Variants in HRH2 observed in about 807,000 individuals in gnomAD.
HRH2 encodes histamine receptor H2.
Under a neutral mutation model 20.1 loss-of-function variants are expected in HRH2, and 4 were observed. The ratio of observed to expected loss-of-function variants is 0.20; its 90% CI spans 0.10 to 0.45. HRH2 has a LOEUF of 0.45. Among genes scored for constraint, HRH2 ranks in the 20% least tolerant of loss-of-function variants. HRH2 has a pLI of 0.99. For missense variants in HRH2, 250 were observed against 461.6 expected, an observed-to-expected ratio of 0.54 and a Z score of 4.20; for synonymous variants, 197 against 200.7, an observed-to-expected ratio of 0.98 and a Z score of 0.16.
intron 1 of HRH2, among the ~76,000 whole-genome samples, chr5:175,671,795 C>T (rs554131687): frequency 6.6e-6 from 1 of 152,220 alleles, no homozygotes; most frequent in East Asian, 1.9e-4. Flanking sequence ...GCATAAATTG[C>T]AATGTATTTA....
intron 1 of HRH2, among the ~76,000 whole-genome samples, chr5:175,672,541 C>T (rs372025932): frequency 1.3e-5 from 2 of 152,268 alleles, no homozygotes; most frequent in East Asian, 1.9e-4. Context: ...GGATAATGTA[C>T]GTAAAATATT....
rs1463809989 is a variant in HRH2 at position 175,683,516 on chromosome 5, A to G, written c.283A>G (p.Thr95Ala). 6.2e-7 allele frequency: 1 copy of G among 1,613,970 alleles called. No individual in the cohort carries two copies. Among genetic ancestry groups the G allele is most frequent in the Non-Finnish European group, 8.5e-7 (1 of 1,180,018 alleles). Residue 95 changes from threonine to alanine, a missense_variant, in exon 2 of 3, where the codon ACC becomes GCC. Physicochemically the swap from Thr to Ala is moderately conservative, Grantham distance 58 (BLOSUM62 0). Transcript: ENST00000636584. ...SFGKVFCNIY[T>A]SLDVMLCTAS... ...TGGCAAGGTCTTCTGCAATATCTAC[A>G]CCAGCCTGGATGTGATGCTCTGCAC...
intron 1 of HRH2, among the ~76,000 whole-genome samples, chr5:175,676,685 C>T (rs1431195862): frequency 6.6e-6 from 1 of 152,208 alleles, no homozygotes; most frequent in Non-Finnish European, 1.5e-5. Flanking sequence ...ATCTATCACC[C>T]AAATAATGTA....
chr5:175,672,038 G>C (rs1004191982), intron 1 of HRH2, among the ~76,000 whole-genome samples: 1 of 152,050 alleles, frequency 6.6e-6, no homozygotes, highest in Admixed American at 6.6e-5. Flanking sequence ...TACTATGGAG[G>C]GCTCATGATT....
Position 175,687,037 on chromosome 5 carries a change from C to T in HRH2, c.1076+2728C>T, listed in dbSNP as rs1413792266. On this transcript the variant is annotated intron_variant, in intron 2 of 2. Coordinates refer to ENST00000636584, the MANE Select transcript of HRH2 (RefSeq NM_001367711.1). The surrounding 1 kb of genome is among the most constrained non-coding windows in gnomAD (Gnocchi z 5.2). ...TGCCTCCCAGGGTCATGCATGCAGC[C>T]GTGGAGGCAGGGCCAGATCCGAGTC... 5.3e-5 allele frequency among the ~76,000 whole-genome samples: 8 copies of T among 152,220 alleles called. No homozygotes were observed. Among genetic ancestry groups the T allele is most frequent in the Non-Finnish European group, 1.0e-4 (7 of 67,980 alleles).
chr5:175,667,489 T>C (rs1312193785), intron 1 of HRH2, among the ~76,000 whole-genome samples: 1 of 125,704 alleles, frequency 8.0e-6, no homozygotes, highest in Non-Finnish European at 1.6e-5. Flanking sequence ...CAAAGAAATG[T>C]GCAAAGAAGA....
At chr5:175,698,091 CCT>C (rs1418524375) in intron 2 of HRH2, among the ~76,000 whole-genome samples, 4 of 152,254 alleles carry the variant, frequency 2.6e-5, no homozygotes, top group Non-Finnish European at 5.9e-5. Flanking sequence ...CAGACCTGCC[CCT>C]GTGTGTAGTT....
chr5:175,669,607 A>G (rs1381375554), intron 1 of HRH2, among the ~76,000 whole-genome samples: 1 of 151,584 alleles, frequency 6.6e-6, no homozygotes, highest in East Asian at 2.0e-4. Flanking sequence ...CAAGCGATCC[A>G]CCCACCTCGG....
At position 175,693,049 on chromosome 5, in the gene HRH2, C is replaced by A. The variant is rs1756440972; in HGVS notation, c.1076+8740C>A. ...GAGAGGAGACCAGACCAGACTTTCT[C>A]ATTCCCCTGCCACAGATTGGCTGTG... On this transcript the variant is annotated intron_variant, in intron 2 of 2. Coordinates refer to ENST00000636584, the MANE Select transcript of HRH2 (RefSeq NM_001367711.1). This position sits in a 1 kb window ranked among gnomAD's most constrained non-coding sequence, Gnocchi z 4.4. Among the ~76,000 whole-genome samples, 1 of 152,200 alleles carries A rather than the reference C, an allele frequency of 6.6e-6. No homozygotes were observed. Among genetic ancestry groups the A allele is most frequent in the African/African-American group, 2.4e-5 (1 of 41,460 alleles).
chr5:175,687,664 C>T lies in HRH2; in HGVS notation c.1076+3355C>T, dbSNP rs1266079227. On this transcript the variant is annotated intron_variant, in intron 2 of 2. Coordinates refer to ENST00000636584, the MANE Select transcript of HRH2 (RefSeq NM_001367711.1). The surrounding 1 kb of genome is among the most constrained non-coding windows in gnomAD (Gnocchi z 5.2). Reference sequence around the variant, plus strand: ...CCTTATGGGCAGACACCATCCGCCCCTTCCTGACCCCTACTGTCCACCCCT... The same window carrying T: ...CCTTATGGGCAGACACCATCCGCCCTTTCCTGACCCCTACTGTCCACCCCT... 6.6e-6 allele frequency among the ~76,000 whole-genome samples: 1 copy of T among 152,144 alleles called. No homozygotes were observed. The highest frequency in any genetic ancestry group is 2.4e-5 in the African/African-American group (1 of 41,438).
chr5:175,701,926 G>A (rs771014898), intron 2 of HRH2, among the ~76,000 whole-genome samples: 2 of 152,216 alleles, frequency 1.3e-5, no homozygotes, highest in Non-Finnish European at 2.9e-5. Flanking sequence ...AAGACGGGCC[G>A]TGGGACCGTG....
Position 175,683,126 on chromosome 5 carries a change from G to C in HRH2, c.-108G>C. ...AAAAAAAAAAAACTGGACACATTTT[G>C]GATCTGTTGGGAGCTTGGAGTCCAG... On this transcript the variant is annotated 5_prime_UTR_variant, in exon 2 of 3. Transcript: ENST00000636584. 4 of 873,674 alleles carry C rather than the reference G, an allele frequency of 4.6e-6. No homozygotes were observed. The highest frequency in any genetic ancestry group is 6.8e-6 in the Non-Finnish European group (4 of 587,820). The allele number at this position is 873,674 out of a possible 1,614,324, so 54.1% of individuals were successfully genotyped here. A position where few individuals can be genotyped will look rare whatever the true frequency, so the allele number is the denominator to read the frequency against.
intron 2 of HRH2, among the ~76,000 whole-genome samples, chr5:175,696,170 C>T (rs1756569859): frequency 6.6e-6 from 1 of 152,238 alleles, no homozygotes; most frequent in Non-Finnish European, 1.5e-5. Context: ...GGGCAGGGGC[C>T]TGGGAGTTTC....
In HRH2 at chr5:175,683,744, A is replaced by G; in HGVS notation, c.511A>G (p.Thr171Ala). The G allele has an allele frequency of 6.2e-7, 1 of 1,613,994 alleles. No homozygotes were observed. The highest frequency in any genetic ancestry group is 8.5e-7 in the Non-Finnish European group (1 of 1,180,008). The change falls in exon 2 of 3, where the codon ACC becomes GCC. Residue 171 changes from threonine (T) to alanine (A), a missense_variant. Thr to Ala is a moderately conservative substitution (Grantham distance 58). Coordinates refer to ENST00000636584, the MANE Select transcript of HRH2 (RefSeq NM_001367711.1). Reference sequence around the variant, plus strand: ...CGAGACCAGCAAGGGCAATCATACCACCTCTAAGTGCAAAGTCCAGGTCAA... The same window carrying G: ...CGAGACCAGCAAGGGCAATCATACCGCCTCTAAGTGCAAAGTCCAGGTCAA... ...RNETSKGNHT[T>A]SKCKVQVNEV...
At chr5:175,701,481 G>A (rs571082779) in intron 2 of HRH2, among the ~76,000 whole-genome samples, 16 of 152,228 alleles carry the variant, frequency 1.1e-4, no homozygotes, top group East Asian at 1.9e-4. Flanking sequence ...CTTCCCGCTC[G>A]GATTGCCGCT....
Position 175,682,898 on chromosome 5 carries a change from C to T in HRH2, c.-336C>T, listed in dbSNP as rs954796312. 3 of 270,512 alleles carry T rather than the reference C, an allele frequency of 1.1e-5. No homozygotes were observed. Among genetic ancestry groups the T allele is most frequent in the Admixed American group, 9.7e-5 (2 of 20,624 alleles). The allele number at this position is 270,512 out of a possible 1,614,324, so 16.8% of individuals were successfully genotyped here. On this transcript the variant is annotated 5_prime_UTR_variant, in exon 2 of 3. The change creates a premature stop within an existing upstream ORF in the 5' untranslated region. Transcript: ENST00000636584. ...AAACCTGGGAAGCGGAGACCTACCC[C>T]AGCCCCGGGAGGAAGCTAGCTCTTC...
At chr5:175,660,930 C>A (rs1009823297) in intron 1 of HRH2, among the ~76,000 whole-genome samples, 1 of 152,114 alleles carries the variant, frequency 6.6e-6, no homozygotes, top group Non-Finnish European at 1.5e-5. Context: ...TTCCAAGACT[C>A]CTCATTACCA....
In HRH2 at chr5:175,677,225, C is replaced by T. The variant is rs1395959714; in HGVS notation, c.-525-5484C>T. On this transcript the variant is annotated intron_variant, in intron 1 of 2. Coordinates refer to ENST00000636584, the MANE Select transcript of HRH2 (RefSeq NM_001367711.1). The surrounding 1 kb of genome is among the most constrained non-coding windows in gnomAD (Gnocchi z 4.2). ...GCCCAGGCTGGTCTCAAATTCCTGG[C>T]CAATTCTCCCACCTCAGCCTCCCAA... Among the ~76,000 whole-genome samples, 2 of 152,158 alleles carry T rather than the reference C, an allele frequency of 1.3e-5. No individual in the cohort carries two copies. Among genetic ancestry groups the T allele is most frequent in the East Asian group, 1.9e-4 (1 of 5,190 alleles).
chr5:175,659,292 G>T (rs1762664475), intron 1 of HRH2, among the ~76,000 whole-genome samples: 1 of 152,198 alleles, frequency 6.6e-6, no homozygotes, highest in Admixed American at 6.5e-5. Context: ...ATAAAAGGAA[G>T]TTAATAAATT....
Sources: allele counts gnomAD v4.1 joint callset (sites outside exome capture counted in the v4.1 genomes callset), GRCh38; gene constraint gnomAD v4.1.1; non-coding constraint Gnocchi (gnomAD v3.1); transcripts MANE v1.5; gene names NCBI Gene and HGNC (gene_info 2026-07-23, HGNC 2026-07-21).